REM1: variants seen among roughly 807,000 people sequenced by gnomAD.
REM1 encodes RRAD and GEM like GTPase 1.
A neutral mutation model predicts 27.0 loss-of-function variants in REM1; 20 were observed. The ratio of observed to expected loss-of-function variants is 0.74; its 90% CI spans 0.52 to 1.08. The LOEUF is 1.08. Among genes scored for constraint, REM1 ranks in the 50% least tolerant of loss-of-function variants. The pLI, the probability that REM1 is intolerant of heterozygous loss-of-function variation, is 0.00. For missense variants in REM1, 405 were observed against 407.0 expected (o/e 1.00, Z 0.04); for synonymous variants, 159 against 167.9 (o/e 0.95, Z 0.41).
At chr20:31,477,942 G>T in intron 3 of REM1, 32 bp downstream of exon 3, 1 of 1,417,778 alleles carries the variant, frequency 7.1e-7, no homozygotes, top group South Asian at 1.2e-5. Flanking sequence ...TTGGGGAGAG[G>T]GGTGCTGAGC....
At chr20:31,480,979 TTTCTGGC>T (rs1341415229) in intron 3 of REM1, among the ~76,000 whole-genome samples, 1 of 152,080 alleles carries the variant, frequency 6.6e-6, no homozygotes, top group East Asian at 1.9e-4. Flanking sequence ...TATCAGAAAA[TTTCTGGC>T]TTCTGGCCGA....
rs748843242 is a variant in REM1 at position 31,484,351 on chromosome 20, C to A, written c.818C>A (p.Ala273Glu). 2 of 1,561,688 alleles carry A rather than the reference C, an allele frequency of 1.3e-6. No homozygotes were observed. Among genetic ancestry groups the A allele is most frequent in the Non-Finnish European group, 1.7e-6 (2 of 1,154,002 alleles). Reference sequence around the variant, plus strand: ...GCCCAGCGCGCTCGTCGCTTCCTGGCACGCCTGACAGCCCGCAGCGCACGC... The same window carrying A: ...GCCCAGCGCGCTCGTCGCTTCCTGGAACGCCTGACAGCCCGCAGCGCACGC... ...SLAQRARRFL[A>E]RLTARSARRR... is the part of the protein sequence containing the mutation. Residue 273 changes from alanine to glutamate, a missense_variant, in exon 5 of 5, where the codon GCA becomes GAA. By Grantham distance (107) the Ala-to-Glu change is moderately radical. Coordinates refer to ENST00000201979, the MANE Select transcript of REM1 (RefSeq NM_014012.6).
intron 3 of REM1, among the ~76,000 whole-genome samples, chr20:31,480,258 C>G (rs1446215663): frequency 7.3e-5 from 11 of 151,454 alleles, no homozygotes; most frequent in Non-Finnish European, 1.5e-4. Context: ...CACATACATA[C>G]ATACATACAT....
At chr20:31,480,913 A>G (rs567205611) in intron 3 of REM1, among the ~76,000 whole-genome samples, 46 of 152,270 alleles carry the variant, frequency 3.0e-4, no homozygotes, top group Middle Eastern at 3.4e-3. Flanking sequence ...CCCTTTGACA[A>G]TGACATTGAC....
In REM1 at chr20:31,484,819, C is replaced by CGAG; in HGVS notation, c.*389_*390insGAG. 3 of 193,802 alleles carry CGAG rather than the reference C, an allele frequency of 1.5e-5. No individual in the cohort carries two copies. The highest frequency in any genetic ancestry group is 2.1e-5 in the Non-Finnish European group (2 of 96,100). 12.0% of individuals were successfully genotyped at this position (193,802 alleles called of 1,614,324 possible). On this transcript the variant is annotated 3_prime_UTR_variant, in exon 5 of 5. Coordinates refer to ENST00000201979, the MANE Select transcript of REM1 (RefSeq NM_014012.6). ...CAGGCGTCTCCACCTACTGCCCTCC[C>CGAG]ATCTACACTTGACTGTAGACTGGTC... is the stretch of plus-strand genomic sequence containing the variant.
At chr20:31,480,120 CA>C (rs1980665076) in intron 3 of REM1, among the ~76,000 whole-genome samples, 1 of 151,700 alleles carries the variant, frequency 6.6e-6, no homozygotes, top group Non-Finnish European at 1.5e-5. Flanking sequence ...TAATAAAAAT[CA>C]AATTATCAGG....
rs747917564 is a variant in REM1 at position 31,476,436 on chromosome 20, C to A, written c.-10C>A. ...GAAAGAAGGAAGAAGCAAACCCCCC[C>A]CTACCAAAGATGACACTCAACACCG... On this transcript the variant is annotated 5_prime_UTR_variant, in exon 2 of 5. Transcript: ENST00000201979. The A allele has an allele frequency of 4.5e-6, 7 of 1,547,754 alleles. No individual in the cohort carries two copies. The highest frequency in any genetic ancestry group is 1.4e-5 in the African/African-American group (1 of 72,160).
rs911342001 is a variant in REM1 at position 31,475,612 on chromosome 20, T to C, written c.-220+246T>C. Among the ~76,000 whole-genome samples the C allele has an allele frequency of 1.3e-5, 2 of 152,172 alleles. No homozygotes were observed. The highest frequency in any genetic ancestry group is 4.8e-5 in the African/African-American group (2 of 41,452). ...AAAGCTCGGACCCAGACTCCAGGAA[T>C]GGCACAGCGTTCCCGGGCCCTGTGG... is the stretch of plus-strand genomic sequence containing the variant. On this transcript the variant is annotated intron_variant, in intron 1 of 4. Coordinates refer to ENST00000201979, the MANE Select transcript of REM1 (RefSeq NM_014012.6). This position sits in a 1 kb window ranked among gnomAD's most constrained non-coding sequence, Gnocchi z 5.0.
rs574358089 is a variant in REM1 at position 31,475,521 on chromosome 20, G to T, written c.-220+155G>T. ...TTCAGACCTGGGACCCGGAGGGCTG[G>T]ATAGCCCTGGACAAAGACCCCTCCA... On this transcript the variant is annotated intron_variant, in intron 1 of 4. Coordinates refer to ENST00000201979, the MANE Select transcript of REM1 (RefSeq NM_014012.6). This position sits in a 1 kb window ranked among gnomAD's most constrained non-coding sequence, Gnocchi z 5.0. 2.6e-4 allele frequency among the ~76,000 whole-genome samples: 39 copies of T among 152,360 alleles called. No homozygotes were observed. The highest frequency in any genetic ancestry group is 9.4e-4 in the African/African-American group (39 of 41,594).
chr20:31,478,834 C>CT lies in REM1; in HGVS notation c.423+942dup, dbSNP rs1243905937. ...CTACAAAATCTTTGTAGATCTTATT[C>CT]TTTTTTTTTTTTTTTTTTAGACAGA... On this transcript the variant is annotated intron_variant, in intron 3 of 4. Transcript: ENST00000201979. Among the ~76,000 whole-genome samples, 1,123 of 135,312 alleles carry CT rather than the reference C, an allele frequency of 8.3e-3. 10 individuals carry two copies. The highest frequency in any genetic ancestry group is 0.025 in the African/African-American group (921 of 37,108). 88.8% of individuals were successfully genotyped at this position (135,312 alleles called of 152,430 possible).
intron 4 of REM1, among the ~76,000 whole-genome samples, chr20:31,482,754 C>T (rs1980780070): frequency 6.6e-6 from 1 of 152,188 alleles, no homozygotes; most frequent in Non-Finnish European, 1.5e-5. Context: ...TCTCCACCTT[C>T]GCCAGTCCTC....
chr20:31,480,155 G>A (rs1057391673), intron 3 of REM1, among the ~76,000 whole-genome samples: 2 of 151,854 alleles, frequency 1.3e-5, no homozygotes, highest in Non-Finnish European at 2.9e-5. Flanking sequence ...CTCACCCTCA[G>A]CCTGGGCAAC....
Position 31,476,756 on chromosome 20 carries a change from AAG to A in REM1, c.316_317del (p.Arg106GlyfsTer4), listed in dbSNP as rs1386370076. ...TTGGCCAGCCTCTTTGCAGGGAAGC[AAG>A]AGAGGGACCTCCATGAACAGCTGGG... On this transcript the variant is annotated frameshift_variant, in exon 2 of 5. Coordinates refer to ENST00000201979, the MANE Select transcript of REM1 (RefSeq NM_014012.6). LOFTEE classifies it high-confidence loss of function. 1.2e-6 allele frequency: 2 copies of A among 1,613,060 alleles called. No homozygotes were observed. Among genetic ancestry groups the A allele is most frequent in the South Asian group, 1.1e-5 (1 of 90,950 alleles).
At chr20:31,482,623 T>TTGCA in intron 4 of REM1, 135 bp downstream of exon 4, 3 of 838,440 alleles carry the variant, frequency 3.6e-6, no homozygotes, top group Non-Finnish European at 5.6e-6. Flanking sequence ...GCCTGCAAGC[T>TTGCA]GGGAACCATT....
intron 3 of REM1, 28 bp from the exon 4 acceptor site, chr20:31,482,259 G>A: frequency 6.2e-7 from 1 of 1,609,984 alleles, no homozygotes; most frequent in South Asian, 1.1e-5. Context: ...TACCCTCTGA[G>A]GATGGGTCTT....
Position 31,483,541 on chromosome 20 carries a change from T to TA in REM1, c.626-617dup, listed in dbSNP as rs1448629479. ...CTACAAACCAAAATTTTAAACGTCA[T>TA]ATATGGCTTGTATTTACAATGGGAT... On this transcript the variant is annotated intron_variant, in intron 4 of 4. Coordinates refer to ENST00000201979, the MANE Select transcript of REM1 (RefSeq NM_014012.6). Among the ~76,000 whole-genome samples, 12 of 152,302 alleles carry TA rather than the reference T, an allele frequency of 7.9e-5. No individual in the cohort carries two copies. The East Asian group carries it at 2.3e-3, about 29-fold the overall frequency.
intron 3 of REM1, among the ~76,000 whole-genome samples, chr20:31,478,155 G>A (rs931750225): frequency 4.6e-5 from 7 of 151,700 alleles, no homozygotes; most frequent in Non-Finnish European, 7.4e-5. Flanking sequence ...TTCTCCCCCT[G>A]CAGATCTCCC....
In REM1 at chr20:31,476,776, C is replaced by T. The variant is rs1473490747; in HGVS notation, c.331C>T (p.Gln111Ter). The change falls in exon 2 of 5, where the codon CAG becomes TAG. Residue 111 changes from glutamine to a stop codon, truncating the protein, a stop_gained. Transcript: ENST00000201979. LOFTEE classifies it high-confidence loss of function. ...AGKQERDLHE[Q>*]LGEDVYERTL... Reference sequence around the variant, plus strand: ...GAAGCAAGAGAGGGACCTCCATGAACAGCTGGGAGGTAGGGGCCATATGGG... The same window carrying T: ...GAAGCAAGAGAGGGACCTCCATGAATAGCTGGGAGGTAGGGGCCATATGGG... 6.2e-6 allele frequency: 10 copies of T among 1,608,118 alleles called. No individual in the cohort carries two copies. In the South Asian group the frequency reaches 1.0e-4, roughly 16 times the overall value.
intron 3 of REM1, among the ~76,000 whole-genome samples, chr20:31,478,871 G>C (rs1416994517): frequency 7.6e-6 from 1 of 131,538 alleles, no homozygotes; most frequent in African/African-American, 2.9e-5. Flanking sequence ...TTTCACTCTT[G>C]TTGCCCAGGC....
Sources: gnomAD v4.1 joint callset for allele counts (sites outside exome capture counted in the v4.1 genomes callset) on GRCh38, gnomAD v4.1.1 for gene constraint, Gnocchi (gnomAD v3.1) non-coding constraint, MANE v1.5 for transcripts, NCBI Gene and HGNC (gene_info 2026-07-23, HGNC 2026-07-21) for gene names.